Variants in SLC8A1 observed in about 807,000 individuals in gnomAD.
SLC8A1 encodes the protein sodium/calcium exchanger 1.
A neutral mutation model predicts 68.3 loss-of-function variants in SLC8A1; 18 were observed. The ratio of observed to expected loss-of-function variants is 0.26; its 90% CI spans 0.18 to 0.39. The LOEUF (loss-of-function observed/expected upper bound fraction) is 0.39. SLC8A1 is among the 10% of genes least tolerant of loss of function. The pLI is 1.00. For missense variants in SLC8A1, 985 were observed against 1,156.7 expected, an observed-to-expected ratio of 0.85 and a Z score of 2.15; for synonymous variants, 475 against 415.5, an observed-to-expected ratio of 1.14 and a Z score of -1.74.
chr2:40,214,638 G>T (rs141174452), intron 2 of SLC8A1, among the ~76,000 whole-genome samples: 11 of 151,436 alleles, frequency 7.3e-5, no homozygotes, highest in African/African-American at 2.7e-4. Context: ...TAGTAGACAC[G>T]GGGTTTCGCC....
At position 40,419,788 on chromosome 2, in the gene SLC8A1, A is replaced by T. The variant is rs10490041; in HGVS notation, c.1808+8685T>A. 5.2e-3 allele frequency among the ~76,000 whole-genome samples: 797 copies of T among 152,172 alleles called. 8 individuals are homozygous for T. Among genetic ancestry groups the T allele is most frequent in the African/African-American group, 0.018 (747 of 41,524 alleles). The stretch of plus-strand genomic sequence containing the variant: ...ATTTTGCGTTCCCACTTTTTCCTTT[A>T]ATAATTGTGTGTATATGTGTGTGTG... On this transcript the variant is annotated intron_variant, in intron 2 of 7. Coordinates refer to ENST00000406785, the Ensembl canonical transcript of SLC8A1.
rs572762331 is a variant in SLC8A1, at chr2:40,485,884, A to G, written c.-25+26465T>C. Among the ~76,000 whole-genome samples, 21 of 152,282 alleles carry G rather than the reference A, an allele frequency of 1.4e-4. No homozygotes were observed. In the South Asian group the frequency reaches 3.5e-3, roughly 26 times the overall value. On this transcript the variant is annotated intron_variant, in intron 1 of 7. Transcript: ENST00000402441. ...ATGATTTGGTCAAATTGGACACTCA[A>G]TATTTGTTTAAAGAATAAATTGATA...
chr2:40,215,029 A>T (rs182374900), intron 2 of SLC8A1, among the ~76,000 whole-genome samples: 2 of 152,252 alleles, frequency 1.3e-5, no homozygotes, highest in Non-Finnish European at 2.9e-5. Context: ...ACAGAACCTT[A>T]TGAGTTTTAT....
chr2:40,368,898 A>G (rs1677103794), intron 2 of SLC8A1, among the ~76,000 whole-genome samples: 1 of 152,068 alleles, frequency 6.6e-6, no homozygotes, highest in African/African-American at 2.4e-5. Context: ...ACCCACAACC[A>G]TCTGCCCTTT....
intron 1 of SLC8A1, among the ~76,000 whole-genome samples, chr2:40,477,398 A>T (rs1704354473): frequency 6.6e-6 from 1 of 152,170 alleles, no homozygotes; most frequent in Non-Finnish European, 1.5e-5. Context: ...TGTCTGTAAA[A>T]TGATCCACCT....
chr2:40,199,786 G>T (rs1199325636), intron 2 of SLC8A1, among the ~76,000 whole-genome samples: 1 of 151,538 alleles, frequency 6.6e-6, no homozygotes, highest in Admixed American at 6.6e-5. Context: ...AAACTGACAG[G>T]ACTTACATTA....
At position 40,340,781 on chromosome 2, in the gene SLC8A1, C is replaced by T. The variant is rs536455377; in HGVS notation, c.1808+87692G>A. 3.0e-4 allele frequency among the ~76,000 whole-genome samples: 46 copies of T among 152,116 alleles called. 1 individual carries two copies. The highest frequency in any genetic ancestry group is 6.8e-3 in the Middle Eastern group (2 of 294). Reference sequence around the variant, plus strand: ...AAGCTGGGTGTGAGAGTAAGGAAAACGGAAATTCATCATGCAGGTAAGCCT... The same window carrying T: ...AAGCTGGGTGTGAGAGTAAGGAAAATGGAAATTCATCATGCAGGTAAGCCT... On this transcript the variant is annotated intron_variant, in intron 2 of 7. Coordinates refer to ENST00000406785, the Ensembl canonical transcript of SLC8A1.
intron 2 of SLC8A1, among the ~76,000 whole-genome samples, chr2:40,320,503 T>G (rs141133397): frequency 9.8e-4 from 149 of 152,268 alleles, no homozygotes; most frequent in African/African-American, 3.4e-3. Flanking sequence ...AAAACTACAA[T>G]TTGATGTCCA....
intron 2 of SLC8A1, among the ~76,000 whole-genome samples, chr2:40,421,209 A>C (rs115149024): frequency 0.013 from 2,045 of 152,094 alleles, 44 homozygotes; most frequent in African/African-American, 0.046. Flanking sequence ...CACAACCATC[A>C]CTACCACCAT....
chr2:40,506,610 T>C (rs1706384426), intron 1 of SLC8A1, among the ~76,000 whole-genome samples: 1 of 151,974 alleles, frequency 6.6e-6, no homozygotes, highest in African/African-American at 2.4e-5. Flanking sequence ...TGGTTGTTGA[T>C]AATTTTAAAA....
At chr2:40,457,866 TG>T (rs1703113464) in intron 1 of SLC8A1, among the ~76,000 whole-genome samples, 1 of 152,154 alleles carries the variant, frequency 6.6e-6, no homozygotes, top group Non-Finnish European at 1.5e-5. Flanking sequence ...GTGAACTAGT[TG>T]GGGCTGCTAT....
chr2:40,243,335 A>G (rs2061444126), intron 2 of SLC8A1, among the ~76,000 whole-genome samples: 1 of 152,052 alleles, frequency 6.6e-6, no homozygotes. Context: ...ATACAAATAA[A>G]TAAATAAACT....
intron 2 of SLC8A1, among the ~76,000 whole-genome samples, chr2:40,352,604 G>C (rs1348395915): frequency 6.6e-6 from 1 of 152,110 alleles, no homozygotes; most frequent in African/African-American, 2.4e-5. Flanking sequence ...ATGTAATTTT[G>C]GCTATAGGCA....
chr2:40,303,193 AC>A (rs1439448978), intron 2 of SLC8A1, among the ~76,000 whole-genome samples: 2 of 152,048 alleles, frequency 1.3e-5, no homozygotes, highest in Non-Finnish European at 2.9e-5. Context: ...CAATTTAAAA[AC>A]CTTGAGCCAT....
rs543601606 is a variant in SLC8A1 at position 40,171,494 on chromosome 2, T to C, written c.1930+3331A>G. Among the ~76,000 whole-genome samples the C allele has an allele frequency of 2.2e-4, 34 of 152,332 alleles. 1 individual carries two copies. The South Asian group carries it at 4.1e-3, about 19-fold the overall frequency. ...ATGTTTATATGGTCCAGTTTCCCCA[T>C]TCTGGGGTACTTCTCACTTTTCACT... On this transcript the variant is annotated intron_variant, in intron 4 of 7. Coordinates refer to ENST00000406785, the Ensembl canonical transcript of SLC8A1.
chr2:40,135,327 A>C (rs2040285637), intron 7 of SLC8A1, among the ~76,000 whole-genome samples: 1 of 152,216 alleles, frequency 6.6e-6, no homozygotes, highest in South Asian at 2.1e-4. Context: ...AGGCTACTGC[A>C]GAGATATGGG....
At chr2:40,409,746 C>A (rs1691510853) in intron 2 of SLC8A1, among the ~76,000 whole-genome samples, 1 of 152,116 alleles carries the variant, frequency 6.6e-6, no homozygotes, top group Non-Finnish European at 1.5e-5. Flanking sequence ...GGGATTTATG[C>A]ATTCCAGTGC....
chr2:40,322,884 T>A (rs1412633101), intron 2 of SLC8A1, among the ~76,000 whole-genome samples: 1 of 151,586 alleles, frequency 6.6e-6, no homozygotes, highest in East Asian at 1.9e-4. Flanking sequence ...TCTCATTTAA[T>A]CCTTAGAGCA....
intron 2 of SLC8A1, among the ~76,000 whole-genome samples, chr2:40,183,856 T>C (rs892825225): frequency 6.6e-6 from 1 of 152,126 alleles, no homozygotes; most frequent in Admixed American, 6.5e-5. Context: ...CCAGCATGAA[T>C]ATATTTAAAA....
Sources: gnomAD v4.1 joint callset for allele counts (sites outside exome capture counted in the v4.1 genomes callset) on GRCh38, gnomAD v4.1.1 for gene constraint, MANE v1.5 for transcripts, NCBI Gene and HGNC (gene_info 2026-07-23, HGNC 2026-07-21) for gene names.